The following CDH4 variants were observed in gnomAD, a reference collection of about 807,000 sequenced individuals.
CDH4 encodes cadherin 4.
A neutral mutation model predicts 86.0 loss-of-function variants in CDH4; 33 were observed. The observed-to-expected ratio is 0.38, with a 90% CI of 0.29 to 0.51. The LOEUF is 0.51. Ranked by LOEUF, CDH4 falls within the 20% of genes least tolerant of loss-of-function variation. The probability of loss-of-function intolerance (pLI) is 0.86; values close to 1 mark genes in which losing one functional copy is unlikely to be tolerated. For synonymous variants in CDH4, 555 were observed against 549.4 expected, an observed-to-expected ratio of 1.01 and a Z score of -0.14; for missense variants, 1,114 against 1,307.4, an observed-to-expected ratio of 0.85 and a Z score of 2.28.
In CDH4 at chr20:61,608,148, A is replaced by T. The variant is rs750790136; in HGVS notation, c.170-135415A>T. 2.6e-4 allele frequency among the ~76,000 whole-genome samples: 39 copies of T among 152,182 alleles called. 1 individual carries two copies. The highest frequency in any genetic ancestry group is 6.2e-4 in the South Asian group (3 of 4,830). ...AAGATCCTGGGCTGCAGGACAAGGT[A>T]AAGCCACACCCGCTGCGGAGTTCTA... On this transcript the variant is annotated intron_variant, in intron 2 of 15. Transcript: ENST00000614565.
At chr20:61,690,864 G>A (rs2087645317) in intron 2 of CDH4, among the ~76,000 whole-genome samples, 1 of 152,092 alleles carries the variant, frequency 6.6e-6, no homozygotes, top group Non-Finnish European at 1.5e-5. Flanking sequence ...GGAAAAGCCA[G>A]GTCCAAGCAG....
Position 61,393,025 on chromosome 20 carries a change from C to G in CDH4, c.169+138088C>G. Among the ~76,000 whole-genome samples, 1 of 152,166 alleles carries G rather than the reference C, an allele frequency of 6.6e-6. No homozygotes were observed. Among genetic ancestry groups the G allele is most frequent in the East Asian group, 1.9e-4 (1 of 5,184 alleles). On this transcript the variant is annotated intron_variant, in intron 2 of 15. Transcript: ENST00000614565. This position sits in a 1 kb window ranked among gnomAD's most constrained non-coding sequence, Gnocchi z 4.3. ...CTTGACGGGATAGAAAACGTGAGGA[C>G]AGAGCAGCTGCGGGGCCCCTCGGTG...
At chr20:61,665,776 T>C (rs1211549799) in intron 2 of CDH4, among the ~76,000 whole-genome samples, 1 of 152,176 alleles carries the variant, frequency 6.6e-6, no homozygotes, top group African/African-American at 2.4e-5. Flanking sequence ...TTTGAGTGTC[T>C]ACAGGCAGGC....
chr20:61,913,631 GA>G (rs1207130972), intron 9 of CDH4, among the ~76,000 whole-genome samples: 1 of 152,234 alleles, frequency 6.6e-6, no homozygotes, highest in African/African-American at 2.4e-5. Context: ...GCCACCCCGG[GA>G]ACTGATTCCT....
At chr20:61,704,228 C>A (rs935560048) in intron 2 of CDH4, among the ~76,000 whole-genome samples, 4 of 152,086 alleles carry the variant, frequency 2.6e-5, no homozygotes, top group African/African-American at 9.7e-5. Flanking sequence ...TCTCAAGGTG[C>A]TGCGAGGAAG....
At chr20:61,366,010 A>G (rs1449759744) in intron 2 of CDH4, among the ~76,000 whole-genome samples, 1 of 152,242 alleles carries the variant, frequency 6.6e-6, no homozygotes, top group Non-Finnish European at 1.5e-5. Context: ...ACAGGCATGC[A>G]GCACCAGAGC....
In CDH4 at chr20:61,684,376, C is replaced by T. The variant is rs142705830; in HGVS notation, c.170-59187C>T. Among the ~76,000 whole-genome samples the T allele has an allele frequency of 3.3e-5, 5 of 152,328 alleles. No homozygotes were observed. In the East Asian group the frequency reaches 9.7e-4, roughly 29 times the overall value. ...GCAAGCGCGGAGCACGTGGCCTCAA[C>T]CTCCGTCTTGCTTATGCTGGTTAAG... is the stretch of plus-strand genomic sequence containing the variant. On this transcript the variant is annotated intron_variant, in intron 2 of 15. Transcript: ENST00000614565. The surrounding 1 kb of genome is among the most constrained non-coding windows in gnomAD (Gnocchi z 4.5).
intron 2 of CDH4, among the ~76,000 whole-genome samples, chr20:61,277,970 G>A (rs1170147839): frequency 6.6e-6 from 1 of 152,202 alleles, no homozygotes; most frequent in East Asian, 1.9e-4. Flanking sequence ...CTCAGCCCCT[G>A]GCGTTGATCT....
chr20:61,252,687 C>T lies in CDH4; in HGVS notation c.57+117C>T, dbSNP rs540763247. On this transcript the variant is annotated intron_variant, in intron 1 of 15. Coordinates refer to ENST00000614565, the MANE Select transcript of CDH4 (RefSeq NM_001794.5). The surrounding 1 kb of genome is among the most constrained non-coding windows in gnomAD (Gnocchi z 4.4). ...GGCTCTCCCGGGCTCCCCCGCCGCG[C>T]TCCCCGCTGCATCCAGCCCGGCGCC... 298 of 484,072 alleles carry T rather than the reference C, an allele frequency of 6.2e-4. No homozygotes were observed. Among genetic ancestry groups the T allele is most frequent in the Non-Finnish European group, 8.3e-4 (285 of 341,368 alleles). 30.0% of individuals were successfully genotyped at this position (484,072 alleles called of 1,614,324 possible).
chr20:61,806,643 T>C (rs6121812), intron 4 of CDH4, among the ~76,000 whole-genome samples: 152,275 of 152,280 alleles, frequency 1, 76,135 homozygotes, highest in Middle Eastern at 1. Flanking sequence ...GGACTGGAAT[T>C]GCTCAGGGGC....
At chr20:61,253,413 G>GGGCGGA (rs1347851895) in intron 1 of CDH4, among the ~76,000 whole-genome samples, 1 of 152,050 alleles carries the variant, frequency 6.6e-6, no homozygotes, top group African/African-American at 2.4e-5. Context: ...GGGCGCCCCT[G>GGGCGGA]GGCGGAGGCG....
chr20:61,885,545 C>G (rs149781570), intron 7 of CDH4, among the ~76,000 whole-genome samples: 31 of 152,322 alleles, frequency 2.0e-4, no homozygotes, highest in African/African-American at 7.2e-4. Context: ...TCAATGGACC[C>G]TTGGCTGTTC....
intron 2 of CDH4, among the ~76,000 whole-genome samples, chr20:61,598,336 G>C (rs2086571611): frequency 6.6e-6 from 1 of 151,576 alleles, no homozygotes; most frequent in Admixed American, 6.6e-5. Flanking sequence ...TCCCTACTGG[G>C]ACCCCACCCC....
At chr20:61,447,323 ATTTTTT>A (rs71331923) in intron 2 of CDH4, among the ~76,000 whole-genome samples, 4 of 110,838 alleles carry the variant, frequency 3.6e-5, no homozygotes, top group Non-Finnish European at 5.4e-5. Flanking sequence ...CGCCCAGCTG[ATTTTTT>A]TTTTTTTTTT....
chr20:61,888,274 G>A (rs1984636271), intron 7 of CDH4, among the ~76,000 whole-genome samples: 1 of 152,174 alleles, frequency 6.6e-6, no homozygotes, highest in Admixed American at 6.5e-5. Flanking sequence ...CTGACATTTG[G>A]GTTCTCATTG....
chr20:61,897,500 C>T (rs1345283057), intron 8 of CDH4, among the ~76,000 whole-genome samples: 1 of 152,052 alleles, frequency 6.6e-6, no homozygotes, highest in Non-Finnish European at 1.5e-5. Context: ...CCAGCACTGA[C>T]CAGCACTAAC....
At chr20:61,413,478 C>A (rs190368686) in intron 2 of CDH4, among the ~76,000 whole-genome samples, 2 of 152,254 alleles carry the variant, frequency 1.3e-5, no homozygotes, top group East Asian at 3.9e-4. Context: ...AACAAGCCCC[C>A]CTGAGCCTCA....
intron 2 of CDH4, among the ~76,000 whole-genome samples, chr20:61,284,308 C>T (rs1600833784): frequency 1.3e-5 from 2 of 151,924 alleles, no homozygotes; most frequent in Admixed American, 1.3e-4. Flanking sequence ...AGCAAGACTC[C>T]GTCTCAAAAA....
intron 5 of CDH4, among the ~76,000 whole-genome samples, chr20:61,847,813 C>T (rs977304027): frequency 2.0e-5 from 3 of 152,006 alleles, no homozygotes; most frequent in African/African-American, 7.3e-5. Context: ...ACGGAGGTGC[C>T]AAGCTCTTTA....
Sources: allele counts gnomAD v4.1 joint callset (sites outside exome capture counted in the v4.1 genomes callset), GRCh38; gene constraint gnomAD v4.1.1; non-coding constraint Gnocchi (gnomAD v3.1); transcripts MANE v1.5; gene names NCBI Gene and HGNC (gene_info 2026-07-23, HGNC 2026-07-21).